FRY: variants seen among roughly 807,000 people sequenced by gnomAD.
The protein encoded by FRY is FRY microtubule binding protein.
Under a neutral mutation model 348.4 loss-of-function variants are expected in FRY, and 128 were observed. That is an observed-to-expected ratio of 0.37 (90% CI 0.32 to 0.43). FRY has a LOEUF of 0.43. FRY is among the 20% of genes least tolerant of loss of function. The pLI, the probability that FRY is intolerant of heterozygous loss-of-function variation, is 1.00. For synonymous variants in FRY, 1,370 were observed against 1,374.7 expected, an observed-to-expected ratio of 1.00 and a Z score of 0.08; for missense variants, 2,736 against 3,695.2, an observed-to-expected ratio of 0.74 and a Z score of 6.73.
chr13:32,077,945 C>T (rs1875200984), intron 1 of FRY, among the ~76,000 whole-genome samples: 1 of 152,144 alleles, frequency 6.6e-6, no homozygotes, highest in South Asian at 2.1e-4. Flanking sequence ...TCTTACGTTT[C>T]TTTCATTGGA....
chr13:32,186,661 G>A (rs1219511040), intron 27 of FRY, among the ~76,000 whole-genome samples: 2 of 151,860 alleles, frequency 1.3e-5, no homozygotes, highest in Non-Finnish European at 2.9e-5. Context: ...CCATTATATA[G>A]CTGTCTTGTC....
At chr13:32,185,770 C>A (rs527327282) in intron 26 of FRY, among the ~76,000 whole-genome samples, 3 of 152,128 alleles carry the variant, frequency 2.0e-5, no homozygotes, top group African/African-American at 7.2e-5. Flanking sequence ...TTCCGCTTTT[C>A]GCTATTTTGA....
chr13:32,239,346 T>G lies in FRY; in HGVS notation c.6513T>G (p.Ala2171=), dbSNP rs752700849. 6.3e-7 allele frequency: 1 copy of G among 1,586,070 alleles called. No homozygotes were observed. Among genetic ancestry groups the G allele is most frequent in the South Asian group, 1.1e-5 (1 of 90,540 alleles). The part of the protein sequence containing the change: ...QFCKDIAERI[A]QVCLEEKNPK... ...GTAAGGATATAGCCGAAAGGATTGC[T>G]CAGGTATGAGTTACAGTTCCACACT... Residue 2171 remains alanine, a synonymous_variant, in exon 45 of 61, where the codon GCT becomes GCG. Transcript: ENST00000542859. The surrounding 1 kb of genome is among the most constrained non-coding windows in gnomAD (Gnocchi z 4.3).
At chr13:32,185,252 C>A in intron 26 of FRY, 104 bp downstream of exon 26, 4 of 963,380 alleles carry the variant, frequency 4.2e-6, no homozygotes, top group South Asian at 1.3e-5. Context: ...TTATGCAGGT[C>A]TGGGATGGTG....
At chr13:32,234,514 T>G in intron 41 of FRY, 60 bp from the exon 42 acceptor site, 1 of 1,467,050 alleles carries the variant, frequency 6.8e-7, no homozygotes, top group South Asian at 1.1e-5. Context: ...AGAGGTAACT[T>G]TGATGCCCCA....
chr13:32,034,392 C>G (rs537134715), intron 1 of FRY, among the ~76,000 whole-genome samples: 1 of 152,072 alleles, frequency 6.6e-6, no homozygotes, highest in African/African-American at 2.4e-5. Context: ...AGCTTTCATT[C>G]GATGTTCATT....
intron 29 of FRY, among the ~76,000 whole-genome samples, chr13:32,200,273 A>C (rs2138319869): frequency 1.3e-5 from 2 of 152,368 alleles, no homozygotes; most frequent in Middle Eastern, 6.8e-3. Flanking sequence ...GTTCTAAAAC[A>C]GAACTTCTTA....
At chr13:32,032,964 C>T (rs1365318973) in intron 1 of FRY, among the ~76,000 whole-genome samples, 1 of 152,150 alleles carries the variant, frequency 6.6e-6, no homozygotes, top group African/African-American at 2.4e-5. Context: ...GGCAGGAGAA[C>T]CTGTGCTGCA....
At chr13:32,211,104 G>A (rs1412060334) in intron 34 of FRY, 70 bp downstream of exon 34, 1 of 1,384,104 alleles carries the variant, frequency 7.2e-7, no homozygotes. Flanking sequence ...ATTCCTGAAA[G>A]GATATGAGAA....
rs772407271 is a variant in FRY at position 32,239,670 on chromosome 13, T to A, written c.6517-41T>A. 2 of 1,367,784 alleles carry A rather than the reference T, an allele frequency of 1.5e-6. No homozygotes were observed. The highest frequency in any genetic ancestry group is 2.3e-5 in the South Asian group (2 of 85,676). The allele number at this position is 1,367,784 out of a possible 1,614,324, so 84.7% of individuals were successfully genotyped here. On this transcript the variant is annotated intron_variant, in intron 45 of 60. Coordinates refer to ENST00000542859, the MANE Select transcript of FRY (RefSeq NM_023037.3). The surrounding 1 kb of genome is among the most constrained non-coding windows in gnomAD (Gnocchi z 4.3). The stretch of plus-strand genomic sequence containing the variant: ...AATTGCTAACATTTCTTCCTATTCA[T>A]TGGGCTATTTTATTCCTAATTGATT...
chr13:32,075,086 A>T (rs1874952598), intron 1 of FRY, among the ~76,000 whole-genome samples: 1 of 152,120 alleles, frequency 6.6e-6, no homozygotes, highest in Non-Finnish European at 1.5e-5. Context: ...TTGTTTTTTC[A>T]ATCAAAAATA....
chr13:32,178,371 C>A lies in FRY; in HGVS notation c.2616C>A (p.Ala872=), dbSNP rs752995068. 1.2e-6 allele frequency: 2 copies of A among 1,614,166 alleles called. No homozygotes were observed. The highest frequency in any genetic ancestry group is 4.5e-5 in the East Asian group (2 of 44,880). The change falls in exon 21 of 61, where the codon GCC becomes GCA. Residue 872 remains alanine (A), a synonymous_variant. Coordinates refer to ENST00000542859, the MANE Select transcript of FRY (RefSeq NM_023037.3). ...ACTTACCCAAGCACTGCCCCACAGC[C>A]CTCAGCTATGCCTGGCCTTATGCCT... ...QENLPKHCPT[A]LSYAWPYAFT...
intron 47 of FRY, among the ~76,000 whole-genome samples, chr13:32,245,025 C>T (rs113993495): frequency 0.3 from 45,791 of 151,856 alleles, 7,334 homozygotes; most frequent in Non-Finnish European, 0.33. Context: ...TCTCGGCTCA[C>T]TGCAACCTCC....
At position 32,295,355 on chromosome 13, in the gene FRY, G is replaced by A; in HGVS notation, c.8937G>A (p.Leu2979=). The stretch of plus-strand genomic sequence containing the variant: ...GCCTGACCGAGATCTGCACCAAGCT[G>A]ATGGAGCTGAACATGGAGATCCGGG... The part of the protein sequence containing the change: ...NQSLTEICTK[L]MELNMEIRDM... The change falls in exon 61 of 61, where the codon CTG becomes CTA. Residue 2979 remains leucine (L), a synonymous_variant. Transcript: ENST00000542859. 2 of 1,613,772 alleles carry A rather than the reference G, an allele frequency of 1.2e-6. No homozygotes were observed. The highest frequency in any genetic ancestry group is 1.7e-6 in the Non-Finnish European group (2 of 1,179,952).
intron 49 of FRY, among the ~76,000 whole-genome samples, chr13:32,249,932 A>C (rs1277630709): frequency 1.3e-5 from 2 of 152,190 alleles, no homozygotes; most frequent in Admixed American, 6.5e-5. Flanking sequence ...CAAGGCTTAG[A>C]AAATAAAATC....
intron 20 of FRY, among the ~76,000 whole-genome samples, chr13:32,176,704 G>C (rs928803592): frequency 6.6e-6 from 1 of 152,144 alleles, no homozygotes; most frequent in Non-Finnish European, 1.5e-5. Context: ...ATGTGCTTTT[G>C]TTCTGTGTGT....
chr13:32,126,746 A>G (rs1879045697), intron 7 of FRY, among the ~76,000 whole-genome samples: 1 of 152,100 alleles, frequency 6.6e-6, no homozygotes, highest in South Asian at 2.1e-4. Flanking sequence ...CTTTCTCATA[A>G]GTACACCAGG....
At chr13:32,044,425 C>T (rs1872910965) in intron 1 of FRY, among the ~76,000 whole-genome samples, 1 of 152,212 alleles carries the variant, frequency 6.6e-6, no homozygotes, top group Non-Finnish European at 1.5e-5. Flanking sequence ...CATGTTTCAG[C>T]CACAGTGCTA....
At chr13:32,193,709 CT>C (rs1206779908) in intron 28 of FRY, among the ~76,000 whole-genome samples, 2 of 151,944 alleles carry the variant, frequency 1.3e-5, no homozygotes, top group Non-Finnish European at 2.9e-5. Context: ...CCTCAGCCTC[CT>C]GAGTAGCTGG....
Sources: allele counts gnomAD v4.1 joint callset (sites outside exome capture counted in the v4.1 genomes callset), GRCh38; gene constraint gnomAD v4.1.1; non-coding constraint Gnocchi (gnomAD v3.1); transcripts MANE v1.5; gene names NCBI Gene and HGNC (gene_info 2026-07-23, HGNC 2026-07-21).